The following LIMCH1 variants were observed in gnomAD, a reference collection of about 807,000 sequenced individuals.
LIMCH1 encodes the protein LIM and calponin homology domains-containing protein 1.
In LIMCH1, 113 loss-of-function variants were observed where a neutral mutation model predicts 176.5. That is an observed-to-expected ratio of 0.64 (90% CI 0.55 to 0.75). The LOEUF (loss-of-function observed/expected upper bound fraction) is 0.75, where lower values mean the gene tolerates loss of function less well. Ranked by LOEUF, LIMCH1 falls within the 30% of genes least tolerant of loss-of-function variation. The probability of loss-of-function intolerance (pLI) is 0.00; values close to 1 mark genes in which losing one functional copy is unlikely to be tolerated. For synonymous variants in LIMCH1, 619 were observed against 645.9 expected, an observed-to-expected ratio of 0.96 and a Z score of 0.63; for missense variants, 1,674 against 1,814.9, an observed-to-expected ratio of 0.92 and a Z score of 1.41.
rs1365090354 is a variant in LIMCH1, at chr4:41,538,279, A to G, written c.-312A>G. On this transcript the variant is annotated 5_prime_UTR_variant, in exon 1 of 32. Coordinates refer to ENST00000503057, the MANE Select transcript of LIMCH1 (RefSeq NM_001330672.2). ...GTGCTGGGGCTGACGAGGAGCACAC[A>G]GGAGAGATGCCCCTCCCATCTCCCA... 2 of 985,336 alleles carry G rather than the reference A, an allele frequency of 2.0e-6. No individual in the cohort carries two copies. The highest frequency in any genetic ancestry group is 1.7e-5 in the African/African-American group (1 of 57,226). The allele number at this position is 985,336 out of a possible 1,614,324, so 61.0% of individuals were successfully genotyped here. A position where few individuals can be genotyped will look rare whatever the true frequency, so the allele number is the denominator to read the frequency against.
At chr4:41,531,522 A>ACACACACACC (rs1230668145) in intron 3 of LIMCH1, among the ~76,000 whole-genome samples, 1 of 145,532 alleles carries the variant, frequency 6.9e-6, no homozygotes, top group Non-Finnish European at 1.5e-5. Flanking sequence ...ACACATACAC[A>ACACACACACC]CCTTATACTT....
At chr4:41,588,439 C>A (rs4560449) in intron 1 of LIMCH1, among the ~76,000 whole-genome samples, 52,957 of 151,832 alleles carry the variant, frequency 0.35, 14,786 homozygotes, top group African/African-American at 0.78. Context: ...ACAAGTGGAT[C>A]CAGGAGCCTA....
intron 1 of LIMCH1, among the ~76,000 whole-genome samples, chr4:41,470,529 A>G (rs1312293290): frequency 6.6e-6 from 1 of 152,130 alleles, no homozygotes; most frequent in African/African-American, 2.4e-5. Context: ...ACTCATTCAG[A>G]GAGTTGACTA....
chr4:41,399,421 G>T (rs979493150), intron 1 of LIMCH1, among the ~76,000 whole-genome samples: 4 of 152,154 alleles, frequency 2.6e-5, no homozygotes, highest in Non-Finnish European at 5.9e-5. Flanking sequence ...GAAGTTGGGC[G>T]ATCCTTTCAG....
chr4:41,604,011 G>C, intron 3 of LIMCH1, 106 bp downstream of exon 3: 4 of 1,050,984 alleles, frequency 3.8e-6, no homozygotes, highest in Non-Finnish European at 5.7e-6. Context: ...TTAGAAAAAA[G>C]TATATGTGTA....
intron 1 of LIMCH1, among the ~76,000 whole-genome samples, chr4:41,388,175 CAT>C (rs1414557793): frequency 6.6e-6 from 1 of 152,194 alleles, no homozygotes; most frequent in African/African-American, 2.4e-5. Flanking sequence ...GAATTGAAAA[CAT>C]ATGTGCCTAC....
chr4:41,519,664 C>G (rs1427810881), intron 2 of LIMCH1, among the ~76,000 whole-genome samples: 1 of 152,136 alleles, frequency 6.6e-6, no homozygotes, highest in Admixed American at 6.6e-5. Context: ...TTGCAACTGG[C>G]TAATAGGAAT....
At chr4:41,400,885 A>T (rs2154117276) in intron 1 of LIMCH1, among the ~76,000 whole-genome samples, 1 of 152,320 alleles carries the variant, frequency 6.6e-6, no homozygotes, top group Admixed American at 6.5e-5. Flanking sequence ...TTATTAAAAA[A>T]GACCTATCCA....
At chr4:41,579,783 T>C (rs1356916998) in intron 1 of LIMCH1, among the ~76,000 whole-genome samples, 2 of 152,208 alleles carry the variant, frequency 1.3e-5, no homozygotes, top group African/African-American at 4.8e-5. Context: ...TGATTGCCTT[T>C]CTCTGGTATC....
chr4:41,428,127 G>C (rs1249933412), intron 1 of LIMCH1, among the ~76,000 whole-genome samples: 1 of 152,164 alleles, frequency 6.6e-6, no homozygotes, highest in Admixed American at 6.5e-5. Flanking sequence ...CAAAGGAGGG[G>C]TGTCGACTTT....
At chr4:41,668,033 G>A (rs2094892362) in intron 21 of LIMCH1, among the ~76,000 whole-genome samples, 1 of 152,072 alleles carries the variant, frequency 6.6e-6, no homozygotes, top group South Asian at 2.1e-4. Context: ...AGTTCAGGAG[G>A]CAAGAACTGT....
intron 22 of LIMCH1, 141 bp from the exon 23 acceptor site, chr4:41,676,241 G>A: frequency 1.8e-6 from 1 of 549,752 alleles, no homozygotes; most frequent in South Asian, 3.1e-5. Flanking sequence ...TGCCACCAAA[G>A]AGGATGTTTA....
chr4:41,615,812 C>T (rs2091996274), intron 5 of LIMCH1, among the ~76,000 whole-genome samples: 1 of 152,174 alleles, frequency 6.6e-6, no homozygotes, highest in African/African-American at 2.4e-5. Context: ...AATTATTCAA[C>T]TCTATGTTGG....
intron 1 of LIMCH1, among the ~76,000 whole-genome samples, chr4:41,383,002 G>A: frequency 6.6e-6 from 1 of 152,184 alleles, no homozygotes; most frequent in East Asian, 1.9e-4. Context: ...CATTGGCCAG[G>A]CTGGTCTTGA....
intron 2 of LIMCH1, among the ~76,000 whole-genome samples, chr4:41,500,806 G>A (rs1318207693): frequency 6.6e-6 from 1 of 152,288 alleles, no homozygotes; most frequent in African/African-American, 2.4e-5. Flanking sequence ...GTCCCACTTG[G>A]GTTAAGAAGG....
At chr4:41,498,331 A>G (rs2072593359) in intron 2 of LIMCH1, among the ~76,000 whole-genome samples, 1 of 152,186 alleles carries the variant, frequency 6.6e-6, no homozygotes, top group African/African-American at 2.4e-5. Context: ...CTTACTCCAT[A>G]TGGCTTTGAA....
At chr4:41,387,147 ATATT>A (rs1251686242) in intron 1 of LIMCH1, among the ~76,000 whole-genome samples, 1 of 152,220 alleles carries the variant, frequency 6.6e-6, no homozygotes, top group Non-Finnish European at 1.5e-5. Context: ...AAGTTAAACA[ATATT>A]TATTTTCATT....
chr4:41,368,851 G>C (rs549431305), intron 1 of LIMCH1, among the ~76,000 whole-genome samples: 1 of 152,168 alleles, frequency 6.6e-6, no homozygotes, highest in East Asian at 1.9e-4. Context: ...AGAAAAATGC[G>C]GAGAGGACTT....
At position 41,675,848 on chromosome 4, in the gene LIMCH1, A is replaced by T. The variant is rs28420356; in HGVS notation, c.3439-534A>T. On this transcript the variant is annotated intron_variant, in intron 22 of 31. Coordinates refer to ENST00000503057, the MANE Select transcript of LIMCH1 (RefSeq NM_001330672.2). The stretch of plus-strand genomic sequence containing the variant: ...TGTCATGCGGGCCCCAGGGCAAGTG[A>T]TCTGCTTGCCTGGATCTTAGGTGGT... Among the ~76,000 whole-genome samples, 1,501 of 152,322 alleles carry T rather than the reference A, an allele frequency of 9.9e-3. 18 individuals carry two copies. The highest frequency in any genetic ancestry group is 0.034 in the African/African-American group (1,421 of 41,560).
Sources: allele counts gnomAD v4.1 joint callset (sites outside exome capture counted in the v4.1 genomes callset), GRCh38; gene constraint gnomAD v4.1.1; transcripts MANE v1.5; gene names NCBI Gene and HGNC (gene_info 2026-07-23, HGNC 2026-07-21).